CSGALNACT1: variants seen among roughly 807,000 people sequenced by gnomAD.
CSGALNACT1 encodes beta4GalNAcT-1.
A neutral mutation model predicts 51.0 loss-of-function variants in CSGALNACT1; 52 were observed. That is an observed-to-expected ratio of 1.02 (90% CI 0.82 to 1.29). The LOEUF (loss-of-function observed/expected upper bound fraction) is 1.29, where lower values mean the gene tolerates loss of function less well. Ranked by LOEUF, CSGALNACT1 falls within the 50% of genes most tolerant of loss-of-function variation. The pLI is 0.00. For missense variants in CSGALNACT1, 935 were observed against 679.2 expected, an observed-to-expected ratio of 1.38 and a Z score of -4.19; for synonymous variants, 341 against 254.4, an observed-to-expected ratio of 1.34 and a Z score of -3.24.
intron 5 of CSGALNACT1, 86 bp downstream of exon 4, chr8:19,458,340 G>T: frequency 9.1e-7 from 1 of 1,100,176 alleles, no homozygotes; most frequent in Non-Finnish European, 1.4e-6. Flanking sequence ...TACTCGGCAG[G>T]GGAAATGAAG....
At chr8:19,503,652 A>C (rs1340160998) in intron 4 of CSGALNACT1, among the ~76,000 whole-genome samples, 2 of 152,162 alleles carry the variant, frequency 1.3e-5, no homozygotes, top group Non-Finnish European at 2.9e-5. Context: ...TATAAACTGT[A>C]AAGTACTATA....
chr8:19,747,619 C>T (rs1021437), intron 1 of CSGALNACT1, among the ~76,000 whole-genome samples: 109,631 of 152,052 alleles, frequency 0.72, 40,304 homozygotes, highest in African/African-American at 0.86. Context: ...GCTCAGATTT[C>T]GGCTTCAGCC....
chr8:19,666,873 GAAAGAA>G (rs1564384114), intron 1 of CSGALNACT1, among the ~76,000 whole-genome samples: 3 of 130,810 alleles, frequency 2.3e-5, no homozygotes, highest in Non-Finnish European at 4.7e-5. Flanking sequence ...AAGAAAGAAA[GAAAGAA>G]AGAAAGAGAG....
intron 8 of CSGALNACT1, among the ~76,000 whole-genome samples, chr8:19,414,416 A>G (rs557624106): frequency 2.0e-5 from 3 of 152,342 alleles, no homozygotes; most frequent in Admixed American, 2.0e-4. Context: ...TGTTTGTTTA[A>G]ATTATAGTCA....
At chr8:19,745,001 A>G (rs962359257) in intron 1 of CSGALNACT1, among the ~76,000 whole-genome samples, 4 of 152,232 alleles carry the variant, frequency 2.6e-5, no homozygotes, top group African/African-American at 9.6e-5. Context: ...CTTGGTACCC[A>G]TAAAGGTACC....
chr8:19,686,951 G>C (rs1042597576), upstream of CSGALNACT1, among the ~76,000 whole-genome samples: 2 of 152,158 alleles, frequency 1.3e-5, no homozygotes, highest in African/African-American at 4.8e-5. Context: ...CTCAGCCTTG[G>C]CACAGAGCTT....
At chr8:19,581,225 T>C (rs1025293369) in intron 3 of CSGALNACT1, among the ~76,000 whole-genome samples, 2 of 152,072 alleles carry the variant, frequency 1.3e-5, no homozygotes, top group African/African-American at 4.8e-5. Flanking sequence ...AAATCAAATA[T>C]AAAATCTTAA....
At chr8:19,493,114 T>C (rs1195691964) in intron 4 of CSGALNACT1, among the ~76,000 whole-genome samples, 1 of 152,098 alleles carries the variant, frequency 6.6e-6, no homozygotes, top group Non-Finnish European at 1.5e-5. Context: ...TTAAACACTT[T>C]TGTGAAATGT....
At chr8:19,755,042 G>A (rs1253274037) in intron 1 of CSGALNACT1, among the ~76,000 whole-genome samples, 1 of 152,194 alleles carries the variant, frequency 6.6e-6, no homozygotes, top group East Asian at 1.9e-4. Context: ...ATTACATTCT[G>A]TATTTTAAAT....
At chr8:19,420,085 T>C (rs1487801701) in intron 7 of CSGALNACT1, among the ~76,000 whole-genome samples, 2 of 152,226 alleles carry the variant, frequency 1.3e-5, no homozygotes, top group Non-Finnish European at 2.9e-5. Flanking sequence ...TCTTCCATGA[T>C]TGTGAGGCCT....
chr8:19,746,883 G>T (rs1027265), intron 1 of CSGALNACT1, among the ~76,000 whole-genome samples: 134,570 of 152,242 alleles, frequency 0.88, 59,716 homozygotes, highest in Middle Eastern at 0.97. Flanking sequence ...TGGAGAGCAA[G>T]GGCGATACTT....
intron 1 of CSGALNACT1, among the ~76,000 whole-genome samples, chr8:19,716,092 A>C (rs1294280972): frequency 6.6e-6 from 1 of 152,202 alleles, no homozygotes; most frequent in Non-Finnish European, 1.5e-5. Context: ...GAAACCAAGG[A>C]AATGGCATTT....
At chr8:19,411,295 C>T (rs1285596590) in intron 8 of CSGALNACT1, among the ~76,000 whole-genome samples, 1 of 152,188 alleles carries the variant, frequency 6.6e-6, no homozygotes, top group Non-Finnish European at 1.5e-5. Context: ...CTGAAATGAT[C>T]CCGTTGATGC....
At chr8:19,740,262 G>A (rs988674393) in intron 1 of CSGALNACT1, among the ~76,000 whole-genome samples, 1 of 152,156 alleles carries the variant, frequency 6.6e-6, no homozygotes, top group Non-Finnish European at 1.5e-5. Flanking sequence ...TATCCCAGCT[G>A]CTCCCCTTCA....
chr8:19,421,806 A>G (rs571806544), intron 6 of CSGALNACT1, among the ~76,000 whole-genome samples: 39 of 152,258 alleles, frequency 2.6e-4, no homozygotes, highest in Admixed American at 1.6e-3. Flanking sequence ...GTGAGCTTGG[A>G]TTCTTATCTT....
intron 6 of CSGALNACT1, 116 bp downstream of exon 5, chr8:19,439,714 T>C (rs2060993585): frequency 1.2e-6 from 1 of 806,808 alleles, no homozygotes; most frequent in Non-Finnish European, 2.1e-6. Flanking sequence ...AATCAATCCA[T>C]CCCAGTTCAC....
intron 3 of CSGALNACT1, among the ~76,000 whole-genome samples, chr8:19,534,413 T>G (rs1349757115): frequency 1.3e-5 from 2 of 151,994 alleles, no homozygotes; most frequent in African/African-American, 2.4e-5. Flanking sequence ...ATCCCACTAC[T>G]GCACTCTAGC....
chr8:19,580,710 A>G (rs2045378717), intron 3 of CSGALNACT1, among the ~76,000 whole-genome samples: 1 of 152,230 alleles, frequency 6.6e-6, no homozygotes, highest in Non-Finnish European at 1.5e-5. Flanking sequence ...GGTAATACAC[A>G]GACTCACTGG....
intron 1 of CSGALNACT1, among the ~76,000 whole-genome samples, chr8:19,650,645 G>C (rs901176629): frequency 1.5e-4 from 23 of 152,256 alleles, no homozygotes; most frequent in Middle Eastern, 6.8e-3. Context: ...CAGCACAGTG[G>C]GGACGCTCCC....
Sources: allele counts gnomAD v4.1 joint callset (sites outside exome capture counted in the v4.1 genomes callset), GRCh38; gene constraint gnomAD v4.1.1; transcripts MANE v1.5; gene names NCBI Gene and HGNC (gene_info 2026-07-23, HGNC 2026-07-21).